WDFY4: variants seen among roughly 807,000 people sequenced by gnomAD.
WDFY4 encodes WD repeat- and FYVE domain-containing protein 4.
A neutral mutation model predicts 351.9 loss-of-function variants in WDFY4; 169 were observed. The ratio of observed to expected loss-of-function variants is 0.48; its 90% confidence interval spans 0.42 to 0.55. The LOEUF is 0.55. Among genes scored for constraint, WDFY4 ranks in the 20% least tolerant of loss-of-function variants. The pLI is 0.00. For synonymous variants in WDFY4, 1,622 were observed against 1,574.6 expected (o/e 1.03, Z -0.71); for missense variants, 3,803 against 3,935.6 (o/e 0.97, Z 0.90).
In WDFY4 at chr10:48,903,791, T is replaced by A. The variant is rs907872283; in HGVS notation, c.7586+1928T>A. On this transcript the variant is annotated intron_variant, in intron 47 of 61. Coordinates refer to ENST00000325239, the MANE Select transcript of WDFY4 (RefSeq NM_001394531.1). ...TGAATCTGGAGTTCAAGAGAGAGGTTCAAGTGAGACATAAATTTAGAATAG... is the reference window on the plus strand; with the variant it reads ...TGAATCTGGAGTTCAAGAGAGAGGTACAAGTGAGACATAAATTTAGAATAG... Among the ~76,000 whole-genome samples, 5 of 152,182 alleles carry A rather than the reference T, an allele frequency of 3.3e-5. No homozygotes were observed. The East Asian group carries it at 7.7e-4, about 23-fold the overall frequency.
chr10:48,727,700 C>A (rs866613803), intron 7 of WDFY4, 41 bp downstream of exon 7: 9 of 1,544,958 alleles, frequency 5.8e-6, no homozygotes, highest in Admixed American at 2.0e-5. Flanking sequence ...ACAGGACCAC[C>A]AAAGCCTTAG....
Position 48,897,029 on chromosome 10 carries a change from C to T in WDFY4, c.7317-425C>T, listed in dbSNP as rs539875471. On this transcript the variant is annotated intron_variant, in intron 44 of 61. Coordinates refer to ENST00000325239, the MANE Select transcript of WDFY4 (RefSeq NM_001394531.1). ...AGGGAAGAGAGGCCACAGGAACCCACGAGGGCTCCTGGGCATGGTTTACAG... is the reference window on the plus strand; with the variant it reads ...AGGGAAGAGAGGCCACAGGAACCCATGAGGGCTCCTGGGCATGGTTTACAG... Among the ~76,000 whole-genome samples, 3 of 152,246 alleles carry T rather than the reference C, an allele frequency of 2.0e-5. No homozygotes were observed. The East Asian group carries it at 5.8e-4, about 29-fold the overall frequency.
At chr10:48,928,751 C>T (rs1481619758) in intron 47 of WDFY4, among the ~76,000 whole-genome samples, 1 of 152,190 alleles carries the variant, frequency 6.6e-6, no homozygotes, top group African/African-American at 2.4e-5. Context: ...AGCTCGCAGC[C>T]CTGTGGCAGC....
chr10:48,754,067 A>G lies in WDFY4; in HGVS notation c.2460-6280A>G, dbSNP rs909978323. 5.9e-5 allele frequency among the ~76,000 whole-genome samples: 9 copies of G among 152,120 alleles called. No individual in the cohort carries two copies. The East Asian group carries it at 1.3e-3, about 23-fold the overall frequency. ...TCTATTAATGTGGTGTATTTTGTTG[A>G]TTGGTTTTGTTATGTTGAACCACCC... On this transcript the variant is annotated intron_variant, in intron 12 of 61. Coordinates refer to ENST00000325239, the MANE Select transcript of WDFY4 (RefSeq NM_001394531.1).
chr10:48,823,152 A>G (rs1233762530), intron 35 of WDFY4: 11 of 1,298,774 alleles, frequency 8.5e-6, no homozygotes, highest in Non-Finnish European at 1.0e-5. Context: ...TCAAAATTCC[A>G]GCATTGAAAG....
rs2067918246 is a variant in WDFY4, at chr10:48,824,126, C to T, written c.5982+1589C>T. ...AAATCAGGGTCTTCTACTTCTCCCT[C>T]TAAGTTTCTTTTGAATTAAAATCTT... On this transcript the variant is annotated intron_variant, in intron 35 of 61. Transcript: ENST00000325239. 3 of 985,316 alleles carry T rather than the reference C, an allele frequency of 3.0e-6. No homozygotes were observed. In the South Asian group the frequency reaches 1.4e-4, roughly 46 times the overall value. 61.0% of individuals were successfully genotyped at this position (985,316 alleles called of 1,614,324 possible). A position where few individuals can be genotyped will look rare whatever the true frequency, so the allele number is the denominator to read the frequency against.
intron 39 of WDFY4, among the ~76,000 whole-genome samples, chr10:48,838,297 C>G (rs1404566568): frequency 6.6e-6 from 1 of 152,174 alleles, no homozygotes; most frequent in African/African-American, 2.4e-5. Context: ...CAGCAGTGCC[C>G]ACCATTGGGC....
intron 53 of WDFY4, among the ~76,000 whole-genome samples, chr10:48,962,630 CA>C (rs1841911921): frequency 1.3e-5 from 2 of 152,230 alleles, no homozygotes; most frequent in Non-Finnish European, 1.5e-5. Context: ...AAAGATCCAG[CA>C]TGCTTGGCTC....
intron 47 of WDFY4, among the ~76,000 whole-genome samples, chr10:48,914,435 A>C (rs936255747): frequency 3.9e-5 from 6 of 152,130 alleles, no homozygotes; most frequent in African/African-American, 1.4e-4. Context: ...TGGATGTTAA[A>C]ATAGGAGGTG....
In WDFY4 at chr10:48,787,898, TTCTTCTTCTTC is replaced by T. The variant is rs1565198539; in HGVS notation, c.3809-630_3809-620del. 3.9e-3 allele frequency among the ~76,000 whole-genome samples: 116 copies of T among 29,474 alleles called. 6 individuals are homozygous for T. Among genetic ancestry groups the T allele is most frequent in the South Asian group, 0.014 (12 of 852 alleles). The allele number at this position is 29,474 out of a possible 152,430, so 19.3% of individuals were successfully genotyped here. A position where few individuals can be genotyped will look rare whatever the true frequency, so the allele number is the denominator to read the frequency against. Reference sequence around the variant, plus strand: ...TCTTTCTTTCTTCTTCTTCTCCTTCTTCTTCTTCTTCTTCTTCTTCTTCTTCTTCTTCTTCT... The same window carrying T: ...TCTTTCTTTCTTCTTCTTCTCCTTCTTTCTTCTTCTTCTTCTTCTTCTTCT... On this transcript the variant is annotated intron_variant, in intron 20 of 61. Transcript: ENST00000325239.
intron 13 of WDFY4, among the ~76,000 whole-genome samples, chr10:48,761,383 T>A (rs3936516): frequency 0.084 from 12,776 of 152,068 alleles, 675 homozygotes; most frequent in East Asian, 0.24. Flanking sequence ...GGACAGGGAA[T>A]GAGGGTTGAG....
intron 41 of WDFY4, among the ~76,000 whole-genome samples, chr10:48,874,827 T>C (rs919473877): frequency 1.3e-5 from 2 of 152,212 alleles, no homozygotes; most frequent in African/African-American, 4.8e-5. Context: ...TAATCCCATC[T>C]GGGCCTCTTC....
intron 6 of WDFY4, among the ~76,000 whole-genome samples, chr10:48,726,844 G>A (rs2064286152): frequency 6.6e-6 from 1 of 152,218 alleles, no homozygotes; most frequent in Non-Finnish European, 1.5e-5. Flanking sequence ...CTTGATGAGA[G>A]ATTTCTAAAA....
At chr10:48,842,419 G>C (rs1020732108) in intron 39 of WDFY4, among the ~76,000 whole-genome samples, 15 of 152,090 alleles carry the variant, frequency 9.9e-5, no homozygotes, top group Admixed American at 2.6e-4. Flanking sequence ...GCAGTCGCCA[G>C]GTGTGTCCTG....
intron 49 of WDFY4, among the ~76,000 whole-genome samples, chr10:48,945,238 T>C (rs1412758927): frequency 6.6e-6 from 1 of 152,022 alleles, no homozygotes; most frequent in Non-Finnish European, 1.5e-5. Flanking sequence ...TAGCGAGGCA[T>C]GGTGGCACGC....
chr10:48,879,995 C>T (rs972081366), intron 43 of WDFY4, among the ~76,000 whole-genome samples: 3 of 152,310 alleles, frequency 2.0e-5, no homozygotes, highest in East Asian at 1.9e-4. Context: ...TCAGCTGATT[C>T]GTAACCTTGA....
chr10:48,839,095 C>G (rs935455576), intron 39 of WDFY4, among the ~76,000 whole-genome samples: 5 of 152,216 alleles, frequency 3.3e-5, no homozygotes, highest in Non-Finnish European at 7.3e-5. Flanking sequence ...ACTCCAGGCA[C>G]AGGCCTCAGA....
At chr10:48,943,191 G>A in intron 48 of WDFY4, 139 bp from the exon 49 acceptor site, 1 of 947,416 alleles carries the variant, frequency 1.1e-6, no homozygotes, top group Non-Finnish European at 1.5e-6. Context: ...CATGAGATGT[G>A]CACAAAGTAA....
In WDFY4 at chr10:48,777,473, T is replaced by C. The variant is rs1397442480; in HGVS notation, c.3153T>C (p.Ser1051=). Residue 1051 remains serine, a synonymous_variant, in exon 17 of 62, where the codon TCT becomes TCC. Coordinates refer to ENST00000325239, the MANE Select transcript of WDFY4 (RefSeq NM_001394531.1). ...STVMGTSTEY[S]VSGGIGTGAT... is the part of the protein sequence containing the mutation. The stretch of plus-strand genomic sequence containing the variant: ...TTATGGGAACCAGCACTGAGTACTC[T>C]GTCTCTGGAGGAATTGGGACAGGTA... 2 of 1,551,652 alleles carry C rather than the reference T, an allele frequency of 1.3e-6. No homozygotes were observed. The highest frequency in any genetic ancestry group is 1.7e-6 in the Non-Finnish European group (2 of 1,147,014).
Sources: gnomAD v4.1 joint callset for allele counts (sites outside exome capture counted in the v4.1 genomes callset) on GRCh38, gnomAD v4.1.1 for gene constraint, MANE v1.5 for transcripts, NCBI Gene and HGNC (gene_info 2026-07-23, HGNC 2026-07-21) for gene names.